The following KNDC1 variants were observed in gnomAD, a reference collection of about 807,000 sequenced individuals.
KNDC1 encodes kinase non-catalytic C-lobe domain-containing protein 1.
In KNDC1, 106 loss-of-function variants were observed where a neutral mutation model predicts 172.8. The observed-to-expected ratio is 0.61, with a 90% CI of 0.52 to 0.72. The LOEUF (loss-of-function observed/expected upper bound fraction) is 0.72, where lower values mean the gene tolerates loss of function less well. KNDC1 is among the 30% of genes least tolerant of loss of function. The pLI is 0.00. For synonymous variants in KNDC1, 1,083 were observed against 1,062.2 expected (o/e 1.02, Z -0.38); for missense variants, 2,325 against 2,394.5 (o/e 0.97, Z 0.61).
chr10:133,198,603 G>T lies in KNDC1; in HGVS notation c.2095G>T (p.Glu699Ter). ...GGACCAGCCTGCCTTGGCCCAGGAG[G>T]AGTCCGAGGAGAGGGGCGGCCAGAG... ...ARDQPALAQE[E>*]SEERGGQREG... The change falls in exon 14 of 30, where the codon GAG (glutamate) becomes TAG (stop). Residue 699 changes from glutamate (E) to a stop codon, truncating the protein, a stop_gained. Transcript: ENST00000304613. LOFTEE classifies it high-confidence loss of function. 1 of 1,597,916 alleles carries T rather than the reference G, an allele frequency of 6.3e-7. No homozygotes were observed. The highest frequency in any genetic ancestry group is 8.5e-7 in the Non-Finnish European group (1 of 1,171,632).
intron 8 of KNDC1, 39 bp from the exon 9 acceptor site, chr10:133,189,713 G>T (rs368773289): frequency 6.2e-7 from 1 of 1,613,812 alleles, no homozygotes; most frequent in South Asian, 1.1e-5. Flanking sequence ...GCACCGGCTC[G>T]CCAGGGGTGA....
chr10:133,223,290 T>A lies in KNDC1; in HGVS notation c.5019-1369T>A, dbSNP rs1277412678. Among the ~76,000 whole-genome samples, 6 of 52,712 alleles carry A rather than the reference T, an allele frequency of 1.1e-4. 1 individual carries two copies. The highest frequency in any genetic ancestry group is 4.0e-4 in the Admixed American group (2 of 4,954). The allele number at this position is 52,712 out of a possible 152,430, so 34.6% of individuals were successfully genotyped here. A position where few individuals can be genotyped will look rare whatever the true frequency, so the allele number is the denominator to read the frequency against. On this transcript the variant is annotated intron_variant, in intron 29 of 29. Coordinates refer to ENST00000304613, the MANE Select transcript of KNDC1 (RefSeq NM_152643.8). ...CTCGGCATGTGTGTGTGTGTGTGTG[T>A]GAGAGCCCATCCAGGCATGCTGTTC...
chr10:133,164,950 G>A (rs922547163), intron 1 of KNDC1, among the ~76,000 whole-genome samples: 3 of 151,956 alleles, frequency 2.0e-5, no homozygotes, highest in South Asian at 2.1e-4. Context: ...GTGTGGATTC[G>A]GGCAAGGAGG....
At chr10:133,203,205 CCAAACGCACGGCG>C (rs1854428676) in intron 17 of KNDC1, among the ~76,000 whole-genome samples, 1 of 83,526 alleles carries the variant, frequency 1.2e-5, no homozygotes, top group African/African-American at 3.8e-5. Flanking sequence ...CACTCGGCCC[CCAAACGCACGGCG>C]TCCAGTGGGG....
intron 9 of KNDC1, among the ~76,000 whole-genome samples, chr10:133,193,083 C>T (rs1008611284): frequency 4.3e-5 from 6 of 140,492 alleles, no homozygotes; most frequent in African/African-American, 1.5e-4. Context: ...GAAACAGCAG[C>T]TTACATATAT....
At chr10:133,173,252 CCTGT>C (rs1853429996) in intron 3 of KNDC1, among the ~76,000 whole-genome samples, 1 of 152,158 alleles carries the variant, frequency 6.6e-6, no homozygotes. Flanking sequence ...GCTCTCCTGG[CCTGT>C]CTGTGTTTTC....
At chr10:133,194,565 C>T (rs547879391) in intron 9 of KNDC1, among the ~76,000 whole-genome samples, 1 of 152,310 alleles carries the variant, frequency 6.6e-6, no homozygotes, top group Admixed American at 6.5e-5. Context: ...AACAAGTGCT[C>T]AAAATGGGTG....
intron 6 of KNDC1, among the ~76,000 whole-genome samples, chr10:133,187,072 C>T (rs1251276342): frequency 6.6e-6 from 1 of 152,256 alleles, no homozygotes; most frequent in Middle Eastern, 3.2e-3. Context: ...CAGCCCTCCT[C>T]ATCTTCCTAT....
chr10:133,221,925 G>C (rs1484547078), intron 29 of KNDC1, among the ~76,000 whole-genome samples: 5 of 70,020 alleles, frequency 7.1e-5, no homozygotes, highest in Non-Finnish European at 1.4e-4. Context: ...AGGCCGGGCT[G>C]GGTGCAGCCA....
intron 3 of KNDC1, among the ~76,000 whole-genome samples, chr10:133,171,822 C>T (rs1853386544): frequency 6.6e-6 from 1 of 151,910 alleles, no homozygotes; most frequent in South Asian, 2.1e-4. Context: ...TGTTAGGTTG[C>T]CCAGGCTGGT....
rs918133956 is a variant in KNDC1, at chr10:133,205,537, C to T, written c.3388-1148C>T. ...CAACGCTCATGCTCTATGGAGCACC[C>T]AAGGGCTGGGGCAAACGCTGCGGCC... On this transcript the variant is annotated intron_variant, in intron 17 of 29. Transcript: ENST00000304613. 4.6e-5 allele frequency among the ~76,000 whole-genome samples: 7 copies of T among 152,358 alleles called. No homozygotes were observed. In the East Asian group the frequency reaches 1.4e-3, roughly 29 times the overall value.
In KNDC1 at chr10:133,206,971, C is replaced by T; in HGVS notation, c.3579+18C>T. The stretch of plus-strand genomic sequence containing the variant: ...ATCTGCAGGCAAGTGGGCTCCGGGC[C>T]CCGCTCTGCCCCGTGAGGCAGTAGC... On this transcript the variant is annotated intron_variant, in intron 19 of 29. Coordinates refer to ENST00000304613, the MANE Select transcript of KNDC1 (RefSeq NM_152643.8). 2.5e-6 allele frequency: 4 copies of T among 1,606,542 alleles called. No individual in the cohort carries two copies. The highest frequency in any genetic ancestry group is 1.1e-5 in the South Asian group (1 of 90,920).
chr10:133,205,822 G>A (rs1311716803), intron 17 of KNDC1, among the ~76,000 whole-genome samples: 4 of 152,044 alleles, frequency 2.6e-5, no homozygotes, highest in South Asian at 2.1e-4. Context: ...GCAGCAGAGC[G>A]AATCGGGCCA....
chr10:133,182,956 CGGTGTGGGCACAG>C (rs1853763544), intron 3 of KNDC1, among the ~76,000 whole-genome samples: 1 of 141,510 alleles, frequency 7.1e-6, no homozygotes, highest in Non-Finnish European at 1.6e-5. Context: ...TGGGCACAGG[CGGTGTGGGCACAG>C]GCGGTGTGGG....
At chr10:133,213,911 AG>A in intron 25 of KNDC1, 60 bp from the exon 26 acceptor site, 1 of 1,598,718 alleles carries the variant, frequency 6.3e-7, no homozygotes, top group Non-Finnish European at 8.6e-7. Context: ...CAGCAGCCCC[AG>A]GGCCGGGCAG....
Position 133,209,643 on chromosome 10 carries a change from T to A in KNDC1, c.3795-968T>A, listed in dbSNP as rs1236208928. Among the ~76,000 whole-genome samples, 1 of 152,034 alleles carries A rather than the reference T, an allele frequency of 6.6e-6. No individual in the cohort carries two copies. The highest frequency in any genetic ancestry group is 1.5e-5 in the Non-Finnish European group (1 of 67,970). ...CATGGCGTGAGTGTGAGTGCTGTGC[T>A]TCCATGGAAGGAGCGTCTCCTGGCC... On this transcript the variant is annotated intron_variant, in intron 20 of 29. Transcript: ENST00000304613. The surrounding 1 kb of genome is among the most constrained non-coding windows in gnomAD (Gnocchi z 4.9).
At chr10:133,161,054 G>A (rs976359253) in intron 1 of KNDC1, among the ~76,000 whole-genome samples, 6 of 151,886 alleles carry the variant, frequency 4.0e-5, no homozygotes, top group Non-Finnish European at 8.8e-5. Context: ...GGTTTTCCGG[G>A]CCTTCACCCA....
intron 29 of KNDC1, among the ~76,000 whole-genome samples, chr10:133,223,586 C>T (rs1296841819): frequency 1.6e-5 from 1 of 60,990 alleles, no homozygotes; most frequent in Non-Finnish European, 3.0e-5. Context: ...CATGCTCTTC[C>T]CGGCGTGTGT....
Position 133,206,690 on chromosome 10 carries a change from G to A in KNDC1, c.3393G>A (p.Leu1131=), listed in dbSNP as rs1564895434. 2 of 1,613,652 alleles carry A rather than the reference G, an allele frequency of 1.2e-6. No individual in the cohort carries two copies. Among genetic ancestry groups the A allele is most frequent in the East Asian group, 2.2e-5 (1 of 44,896 alleles). Residue 1131 remains leucine (L), a synonymous_variant, in exon 18 of 30, where the codon CTG becomes CTA. Coordinates refer to ENST00000304613, the MANE Select transcript of KNDC1 (RefSeq NM_152643.8). ...GALPDAQSPE[L]EQQLMMEKRN... ...GCGCTGTGTTTCGTCCCCAGGAGCT[G>A]GAACAGCAGCTCATGATGGAGAAAA... is the stretch of plus-strand genomic sequence containing the variant.
Sources: gnomAD v4.1 joint callset for allele counts (sites outside exome capture counted in the v4.1 genomes callset) on GRCh38, gnomAD v4.1.1 for gene constraint, Gnocchi (gnomAD v3.1) non-coding constraint, MANE v1.5 for transcripts, NCBI Gene and HGNC (gene_info 2026-07-23, HGNC 2026-07-21) for gene names.